Variants in CLN8 observed in about 807,000 individuals in gnomAD.
The protein encoded by CLN8 is protein CLN8.
In CLN8, 14 loss-of-function variants were observed where a neutral mutation model predicts 15.7. That is an observed-to-expected ratio of 0.89 (90% CI 0.59 to 1.39). The LOEUF (loss-of-function observed/expected upper bound fraction) is 1.39, where lower values mean the gene tolerates loss of function less well. CLN8 is among the 40% of genes most tolerant of loss of function. CLN8 has a pLI of 0.00. For missense variants in CLN8, 415 were observed against 364.0 expected (o/e 1.14, Z -1.14); for synonymous variants, 188 against 151.0 (o/e 1.25, Z -1.80).
chr8:1,777,079 C>G (rs183664638), intron 2 of CLN8, among the ~76,000 whole-genome samples: 2 of 152,162 alleles, frequency 1.3e-5, no homozygotes, highest in African/African-American at 2.4e-5. Flanking sequence ...TCATAGAGTA[C>G]CTTTCTACAT....
upstream of CLN8, among the ~76,000 whole-genome samples, chr8:1,755,532 T>C (rs1203915342): frequency 6.6e-6 from 1 of 152,198 alleles, no homozygotes; most frequent in African/African-American, 2.4e-5. Flanking sequence ...TGGCTTGTGT[T>C]ACATGTTCTC....
At position 1,771,250 on chromosome 8, in the gene CLN8, C is replaced by A; in HGVS notation, c.196C>A (p.Leu66Met). The change falls in exon 2 of 3, where the codon CTG (leucine) becomes ATG (methionine). Residue 66 changes from leucine (L) to methionine (M), a missense_variant. Transcript: ENST00000331222. ...LVAREKVFWD[L>M]AATRAVFGVQ... is the part of the protein sequence containing the mutation. ...GGCCAGAGAGAAGGTCTTCTGGGAC[C>A]TGGCGGCCACGCGTGCAGTCTTTGG... is the stretch of plus-strand genomic sequence containing the variant. 6.2e-7 allele frequency: 1 copy of A among 1,613,608 alleles called. No homozygotes were observed. Among genetic ancestry groups the A allele is most frequent in the Non-Finnish European group, 8.5e-7 (1 of 1,179,566 alleles).
chr8:1,766,984 G>A (rs966421125), intron 1 of CLN8, among the ~76,000 whole-genome samples: 1 of 152,228 alleles, frequency 6.6e-6, no homozygotes, highest in Non-Finnish European at 1.5e-5. Context: ...AACCACAGCT[G>A]TTCTCAGTAC....
At chr8:1,775,632 G>A (rs1253144574) in intron 2 of CLN8, among the ~76,000 whole-genome samples, 1 of 152,204 alleles carries the variant, frequency 6.6e-6, no homozygotes, top group Non-Finnish European at 1.5e-5. Context: ...AATGGTGGAG[G>A]AGAACTTTTT....
chr8:1,757,801 G>A (rs147498453), intron 1 of CLN8, among the ~76,000 whole-genome samples: 1 of 152,204 alleles, frequency 6.6e-6, no homozygotes, highest in East Asian at 1.9e-4. Context: ...TCGTCCAATG[G>A]GGATTTAAGG....
At chr8:1,760,061 C>T (rs776231595), upstream of CLN8, 1 of 152,078 alleles carries the variant, frequency 6.6e-6, no homozygotes, top group African/African-American at 2.4e-5. Flanking sequence ...CCCCTGACAC[C>T]TCAATTAAGT....
At chr8:1,769,011 C>G (rs751167834) in intron 1 of CLN8, among the ~76,000 whole-genome samples, 3 of 152,226 alleles carry the variant, frequency 2.0e-5, no homozygotes, top group Non-Finnish European at 2.9e-5. Flanking sequence ...GTGCCCTGAA[C>G]TCACGCACCA....
At chr8:1,762,071 C>G (rs1310935325), upstream of CLN8, 1 of 152,212 alleles carries the variant, frequency 6.6e-6, no homozygotes. Flanking sequence ...CAGGAATGAA[C>G]AAGGACAGTT....
intron 1 of CLN8, among the ~76,000 whole-genome samples, chr8:1,767,224 A>G (rs1007420669): frequency 2.6e-5 from 4 of 152,222 alleles, no homozygotes; most frequent in Non-Finnish European, 5.9e-5. Context: ...CCAGAAAGTC[A>G]GGAGGTTTGA....
At chr8:1,755,260 A>G (rs1563095638), upstream of CLN8, among the ~76,000 whole-genome samples, 1 of 152,190 alleles carries the variant, frequency 6.6e-6, no homozygotes, top group Non-Finnish European at 1.5e-5. Context: ...TCTAACTAAC[A>G]GAGAGGTTAG....
chr8:1,777,074 G>C (rs978508375), intron 2 of CLN8, among the ~76,000 whole-genome samples: 1 of 152,182 alleles, frequency 6.6e-6, no homozygotes, highest in African/African-American at 2.4e-5. Context: ...GGCCGTCATA[G>C]AGTACCTTTC....
chr8:1,778,553 C>T (rs921335159), intron 2 of CLN8, among the ~76,000 whole-genome samples: 4 of 152,192 alleles, frequency 2.6e-5, no homozygotes, highest in Non-Finnish European at 5.9e-5. Flanking sequence ...TCCTGGCCCA[C>T]CTTGAGGTGG....
In CLN8 at chr8:1,785,198, G is replaced by A. The variant is rs573934874; in HGVS notation, c.*4631G>A. On this transcript the variant is annotated 3_prime_UTR_variant, in exon 3 of 3. Transcript: ENST00000331222. ...CTCCCGCTCCTCAGGCTTGCGGCTC[G>A]GCCGCGAAGTGTGTCAGGTGTGCAT... The A allele has an allele frequency of 1.9e-4, 31 of 165,556 alleles. No homozygotes were observed. Among genetic ancestry groups the A allele is most frequent in the Admixed American group, 4.0e-4 (7 of 17,288 alleles). The allele number at this position is 165,556 out of a possible 1,614,324, so 10.3% of individuals were successfully genotyped here.
At chr8:1,760,161 C>T (rs1800758726), upstream of CLN8, 2 of 152,182 alleles carry the variant, frequency 1.3e-5, no homozygotes, top group Admixed American at 6.5e-5. Context: ...GCACACATTG[C>T]TAACCTCAGG....
chr8:1,779,879 GT>G, intron 2 of CLN8: 2 of 917,360 alleles, frequency 2.2e-6, no homozygotes, highest in Non-Finnish European at 1.3e-6. Context: ...CCTGTGTCTG[GT>G]TTTGCCAAAT....
intron 1 of CLN8, among the ~76,000 whole-genome samples, chr8:1,769,642 C>A (rs899683529): frequency 1.3e-5 from 2 of 152,194 alleles, no homozygotes; most frequent in Non-Finnish European, 2.9e-5. Flanking sequence ...CCTGGGTTTC[C>A]TGCCGTGTAA....
upstream of CLN8, among the ~76,000 whole-genome samples, chr8:1,754,338 T>A (rs6558523): frequency 2.8e-3 from 422 of 151,778 alleles, 1 homozygote; most frequent in Non-Finnish European, 4.8e-3. Flanking sequence ...ACCCCTGCAT[T>A]ACACCATTGG....
At chr8:1,774,074 A>G (rs556829608) in intron 2 of CLN8, among the ~76,000 whole-genome samples, 30 of 152,350 alleles carry the variant, frequency 2.0e-4, no homozygotes, top group Admixed American at 1.7e-3. Context: ...AGGGGAAAGC[A>G]GTGTTGGATT....
rs944977186 is a variant in CLN8, at chr8:1,785,963, T to G, written c.*5396T>G. 2.6e-5 allele frequency: 4 copies of G among 153,160 alleles called. No homozygotes were observed. The highest frequency in any genetic ancestry group is 2.6e-4 in the Admixed American group (4 of 15,448). 9.5% of individuals were successfully genotyped at this position (153,160 alleles called of 1,614,324 possible). On this transcript the variant is annotated 3_prime_UTR_variant, in exon 3 of 3. Transcript: ENST00000331222. ...GAAGGGCAGAGTCCCAGGTGTCAGC[T>G]GGTGGGTCTCCCAGGAGCTGCCCCT...
Sources: gnomAD v4.1 joint callset for allele counts (sites outside exome capture counted in the v4.1 genomes callset) on GRCh38, gnomAD v4.1.1 for gene constraint, MANE v1.5 for transcripts, NCBI Gene and HGNC (gene_info 2026-07-23, HGNC 2026-07-21) for gene names.